Variants in PNPLA1 observed in about 807,000 individuals in gnomAD.
PNPLA1 encodes the protein omega-hydroxyceramide transacylase.
Under a neutral mutation model 51.7 loss-of-function variants are expected in PNPLA1, and 36 were observed. The ratio of observed to expected loss-of-function variants is 0.70; its 90% confidence interval spans 0.53 to 0.92. The LOEUF is 0.92. PNPLA1 is among the 40% of genes least tolerant of loss of function. PNPLA1 has a pLI of 0.00. For missense variants in PNPLA1, 658 were observed against 682.5 expected (o/e 0.96, Z 0.40); for synonymous variants, 293 against 280.1 (o/e 1.05, Z -0.46).
chr6:36,304,803 TC>T (rs1771181356), intron 6 of PNPLA1, among the ~76,000 whole-genome samples: 1 of 152,128 alleles, frequency 6.6e-6, no homozygotes, highest in Non-Finnish European at 1.5e-5. Flanking sequence ...CTCACTCATA[TC>T]GGGGGTGGAT....
intron 6 of PNPLA1, among the ~76,000 whole-genome samples, chr6:36,306,070 A>G (rs927401063): frequency 9.9e-5 from 15 of 152,046 alleles, no homozygotes; most frequent in Non-Finnish European, 1.8e-4. Context: ...AGTTGTTTCT[A>G]ATGTTCCACC....
intron 6 of PNPLA1, among the ~76,000 whole-genome samples, chr6:36,302,890 C>T (rs1301188005): frequency 1.3e-5 from 2 of 152,060 alleles, no homozygotes; most frequent in South Asian, 2.1e-4. Context: ...CTGTGCTGGG[C>T]GTGCTACTCA....
At chr6:36,282,092 G>GAAAGAAAGAAAGAAAA (rs59914317) in intron 1 of PNPLA1, among the ~76,000 whole-genome samples, 9 of 40,718 alleles carry the variant, frequency 2.2e-4, no homozygotes, top group African/African-American at 1.1e-3. Flanking sequence ...AAAGAAAGAA[G>GAAAGAAAGAAAGAAAA]GAAGGAAGGA....
intron 3 of PNPLA1, 79 bp downstream of exon 3, chr6:36,293,205 G>A (rs1383994843): frequency 7.1e-7 from 1 of 1,401,090 alleles, no homozygotes; most frequent in South Asian, 1.2e-5. Context: ...TGGGGGAGCA[G>A]GGGGGTGGTC....
intron 1 of PNPLA1, among the ~76,000 whole-genome samples, chr6:36,250,474 T>C (rs183389629): frequency 2.0e-5 from 3 of 152,296 alleles, no homozygotes; most frequent in Non-Finnish European, 4.4e-5. Context: ...TTTTTTGCTC[T>C]GTGAAAATAC....
At chr6:36,305,768 C>CTTTTTTT (rs72063246) in intron 6 of PNPLA1, among the ~76,000 whole-genome samples, 25 of 96,536 alleles carry the variant, frequency 2.6e-4, no homozygotes, top group South Asian at 3.7e-4. Flanking sequence ...TTACTTTTCT[C>CTTTTTTT]TTTTTTTTTT....
chr6:36,262,747 T>C (rs910925630), intron 1 of PNPLA1, among the ~76,000 whole-genome samples: 1 of 152,256 alleles, frequency 6.6e-6, no homozygotes, highest in South Asian at 2.1e-4. Flanking sequence ...CTTACCAATA[T>C]ATCTTGGAGA....
At chr6:36,250,658 A>G (rs1214537232) in intron 1 of PNPLA1, among the ~76,000 whole-genome samples, 2 of 152,232 alleles carry the variant, frequency 1.3e-5, no homozygotes, top group Non-Finnish European at 2.9e-5. Flanking sequence ...AAGGTTTTAT[A>G]GTCTACTCAG....
At chr6:36,252,435 G>T (rs1237567311) in intron 1 of PNPLA1, among the ~76,000 whole-genome samples, 2 of 152,032 alleles carry the variant, frequency 1.3e-5, no homozygotes, top group African/African-American at 4.8e-5. Flanking sequence ...TCACGGAGGG[G>T]ACAGAGAGGC....
chr6:36,313,946 C>T lies in PNPLA1; in HGVS notation c.*2060C>T, dbSNP rs1382258401. On this transcript the variant is annotated 3_prime_UTR_variant, in exon 9 of 9. Transcript: ENST00000636260. ...AACTATTAATACATCCTCTTGCATACTTCCCTTCACTTGGTTTAATTATTT... is the reference window on the plus strand; with the variant it reads ...AACTATTAATACATCCTCTTGCATATTTCCCTTCACTTGGTTTAATTATTT... 1.3e-5 allele frequency among the ~76,000 whole-genome samples: 2 copies of T among 152,214 alleles called. No individual in the cohort carries two copies. Among genetic ancestry groups the T allele is most frequent in the Non-Finnish European group, 2.9e-5 (2 of 68,038 alleles).
At chr6:36,291,742 C>T (rs765097882) in intron 2 of PNPLA1, among the ~76,000 whole-genome samples, 190 bp downstream of exon 2, 9 of 152,316 alleles carry the variant, frequency 5.9e-5, no homozygotes, top group East Asian at 1.9e-4. Context: ...AAGCCCAGGA[C>T]GAACCAGGCT....
At chr6:36,277,579 G>A (rs914629910) in intron 1 of PNPLA1, among the ~76,000 whole-genome samples, 3 of 152,232 alleles carry the variant, frequency 2.0e-5, no homozygotes, top group Non-Finnish European at 4.4e-5. Flanking sequence ...TAATCACAAA[G>A]TTGGCCAGAT....
chr6:36,289,927 C>T (rs892110509), intron 1 of PNPLA1, among the ~76,000 whole-genome samples: 1 of 152,188 alleles, frequency 6.6e-6, no homozygotes, highest in African/African-American at 2.4e-5. Context: ...AATCACTTAA[C>T]CTCTCTGTGT....
At chr6:36,295,474 A>C (rs1300851653) in intron 5 of PNPLA1, 50 bp downstream of exon 5, 2 of 1,572,028 alleles carry the variant, frequency 1.3e-6, no homozygotes, top group Non-Finnish European at 1.8e-6. Flanking sequence ...GGGTAGGGAA[A>C]GTTCAAACAG....
chr6:36,313,311 C>T lies in PNPLA1; in HGVS notation c.*1425C>T, dbSNP rs1458722545. Among the ~76,000 whole-genome samples the T allele has an allele frequency of 6.6e-6, 1 of 152,178 alleles. No individual in the cohort carries two copies. The highest frequency in any genetic ancestry group is 1.5e-5 in the Non-Finnish European group (1 of 68,034). On this transcript the variant is annotated 3_prime_UTR_variant, in exon 9 of 9. Transcript: ENST00000636260. ...CTGTCCAGAAAATAATTGCCCCCCT[C>T]CTCCCCAGAGAGCAGACAACCTCCA...
chr6:36,284,067 C>T (rs533246663), intron 1 of PNPLA1, among the ~76,000 whole-genome samples: 1 of 152,310 alleles, frequency 6.6e-6, no homozygotes, highest in African/African-American at 2.4e-5. Flanking sequence ...CAGTAAGAAC[C>T]TGCAGTGGGA....
chr6:36,301,707 C>T (rs151195058), intron 5 of PNPLA1, among the ~76,000 whole-genome samples, 154 bp from the exon 6 acceptor site: 1 of 152,342 alleles, frequency 6.6e-6, no homozygotes, highest in East Asian at 1.9e-4. Context: ...CAGAAACCAT[C>T]ACGTTTGTTT....
intron 1 of PNPLA1, among the ~76,000 whole-genome samples, chr6:36,252,958 A>G (rs931830025): frequency 4.6e-4 from 70 of 152,154 alleles, no homozygotes; most frequent in African/African-American, 1.6e-3. Context: ...AGGCTGGCGG[A>G]TTGCCTGAGC....
chr6:36,305,444 A>T (rs551621593), intron 6 of PNPLA1, among the ~76,000 whole-genome samples: 32 of 152,242 alleles, frequency 2.1e-4, no homozygotes, highest in Admixed American at 3.9e-4. Flanking sequence ...TTAGGGACAT[A>T]CAACAAGTCT....
Sources: allele counts gnomAD v4.1 joint callset (sites outside exome capture counted in the v4.1 genomes callset), GRCh38; gene constraint gnomAD v4.1.1; transcripts MANE v1.5; gene names NCBI Gene and HGNC (gene_info 2026-07-23, HGNC 2026-07-21).